Variants in ANO10 observed in about 807,000 individuals in gnomAD.
ANO10 encodes anoctamin-10.
ANO10 carries 77 observed loss-of-function variants against 74.7 expected under a neutral mutation model. The ratio of observed to expected loss-of-function variants is 1.03; its 90% CI spans 0.86 to 1.25. The LOEUF is 1.25. ANO10 is among the 50% of genes most tolerant of loss of function. The probability of loss-of-function intolerance (pLI) is 0.00; values close to 1 mark genes in which losing one functional copy is unlikely to be tolerated. For synonymous variants in ANO10, 279 were observed against 284.9 expected, an observed-to-expected ratio of 0.98 and a Z score of 0.21; for missense variants, 721 against 778.1, an observed-to-expected ratio of 0.93 and a Z score of 0.87.
intron 11 of ANO10, chr3:43,485,314 T>C (rs745460128): frequency 5.5e-5 from 30 of 549,334 alleles, no homozygotes; most frequent in Non-Finnish European, 9.6e-5. Context: ...CTTCCATACC[T>C]CCGGATCCGA....
intron 1 of ANO10, among the ~76,000 whole-genome samples, chr3:43,645,703 C>T (rs997724775): frequency 1.3e-5 from 2 of 152,152 alleles, no homozygotes; most frequent in South Asian, 2.1e-4. Flanking sequence ...CCCATTACTC[C>T]CAGTCAAGCC....
chr3:43,563,746 G>A lies in ANO10; in HGVS notation c.1293+1907C>T, dbSNP rs552641774. ...GTCATTATGTTAAGTGAAATAAGCC[G>A]GGCACAGAAAGACAAATATCACAGG... is the stretch of plus-strand genomic sequence containing the variant. On this transcript the variant is annotated intron_variant, in intron 8 of 12. Transcript: ENST00000292246. Among the ~76,000 whole-genome samples, 9 of 152,180 alleles carry A rather than the reference G, an allele frequency of 5.9e-5. No homozygotes were observed. In the South Asian group the frequency reaches 1.0e-3, roughly 18 times the overall value.
At position 43,659,223 on chromosome 3, in the gene ANO10, C is replaced by A. The variant is rs187771604; in HGVS notation, c.-12+32294G>T. Among the ~76,000 whole-genome samples, 98 of 152,256 alleles carry A rather than the reference C, an allele frequency of 6.4e-4. 2 individuals carry two copies. The highest frequency in any genetic ancestry group is 2.3e-3 in the African/African-American group (95 of 41,568). On this transcript the variant is annotated intron_variant, in intron 1 of 3. Transcript: ENST00000413397. Reference sequence around the variant, plus strand: ...GACTGGTTGGACAGTGGGTGCAGCCCATGGAGGGTGAGCCAAAGTAGGGTG... The same window carrying A: ...GACTGGTTGGACAGTGGGTGCAGCCAATGGAGGGTGAGCCAAAGTAGGGTG...
chr3:43,623,184 T>C (rs973259877), upstream of ANO10, among the ~76,000 whole-genome samples: 3 of 152,156 alleles, frequency 2.0e-5, no homozygotes, highest in South Asian at 4.1e-4. Context: ...GTGTTTTTAG[T>C]TACCCAGGGT....
intron 11 of ANO10, among the ~76,000 whole-genome samples, chr3:43,487,535 G>C (rs1468662455): frequency 4.6e-5 from 7 of 152,062 alleles, no homozygotes; most frequent in Non-Finnish European, 1.5e-5. Flanking sequence ...AGTCTTGGGA[G>C]AGTGTATGTG....
At chr3:43,466,388 C>CAAAA (rs1205923618) in intron 11 of ANO10, among the ~76,000 whole-genome samples, 216 of 86,912 alleles carry the variant, frequency 2.5e-3, no homozygotes, top group Admixed American at 4.2e-3. Context: ...AAAAAAAAAA[C>CAAAA]AAACAAAAAA....
intron 9 of ANO10, 131 bp downstream of exon 9, chr3:43,561,089 G>A: frequency 2.9e-6 from 3 of 1,052,098 alleles, no homozygotes; most frequent in Non-Finnish European, 4.4e-6. Context: ...GGTTCATGAT[G>A]AGGAAACTGA....
At chr3:43,452,280 C>T (rs1206770532) in intron 11 of ANO10, among the ~76,000 whole-genome samples, 3 of 152,200 alleles carry the variant, frequency 2.0e-5, no homozygotes, top group Non-Finnish European at 2.9e-5. Context: ...CACCACAATA[C>T]ATTTTAGGAC....
intron 7 of ANO10, among the ~76,000 whole-genome samples, chr3:43,566,139 A>G (rs1194390728): frequency 6.6e-6 from 1 of 152,204 alleles, no homozygotes; most frequent in Admixed American, 6.5e-5. Flanking sequence ...GGCTTAAAAA[A>G]TGGCGCACCA....
At chr3:43,514,947 A>G (rs1209582654) in intron 11 of ANO10, among the ~76,000 whole-genome samples, 2 of 152,244 alleles carry the variant, frequency 1.3e-5, no homozygotes, top group Non-Finnish European at 2.9e-5. Context: ...ACTTGCCAGA[A>G]TATGTGGGAT....
intron 11 of ANO10, among the ~76,000 whole-genome samples, chr3:43,545,321 A>G (rs984295833): frequency 5.9e-5 from 9 of 152,170 alleles, no homozygotes; most frequent in Non-Finnish European, 1.2e-4. Flanking sequence ...AAAAGAGAAA[A>G]ATCTTATAAA....
intron 1 of ANO10, among the ~76,000 whole-genome samples, chr3:43,648,524 T>C (rs1300608499): frequency 2.0e-5 from 3 of 152,164 alleles, no homozygotes; most frequent in Admixed American, 2.0e-4. Context: ...AGATTATTCA[T>C]GCCTCCCCTT....
intron 11 of ANO10, among the ~76,000 whole-genome samples, chr3:43,496,343 G>A (rs886529796): frequency 1.3e-5 from 2 of 152,158 alleles, no homozygotes; most frequent in Non-Finnish European, 2.9e-5. Context: ...CCCCATTGTA[G>A]CCATGACAAA....
intron 11 of ANO10, among the ~76,000 whole-genome samples, chr3:43,536,668 C>T (rs2078723465): frequency 6.6e-6 from 1 of 151,942 alleles, no homozygotes; most frequent in African/African-American, 2.4e-5. Flanking sequence ...CAGCAATATG[C>T]CTAAAAATTC....
intron 12 of ANO10, among the ~76,000 whole-genome samples, chr3:43,385,847 A>T (rs1205612219): frequency 1.3e-5 from 2 of 152,178 alleles, no homozygotes; most frequent in African/African-American, 4.8e-5. Flanking sequence ...CTAAAATCTC[A>T]GTAATTACCA....
At chr3:43,568,300 C>T (rs1188150627) in intron 7 of ANO10, among the ~76,000 whole-genome samples, 2 of 152,014 alleles carry the variant, frequency 1.3e-5, no homozygotes, top group African/African-American at 2.4e-5. Context: ...AACAAGGATA[C>T]CCAGGAATTG....
At chr3:43,567,750 C>A (rs1266549883) in intron 7 of ANO10, among the ~76,000 whole-genome samples, 3 of 151,912 alleles carry the variant, frequency 2.0e-5, no homozygotes, top group Non-Finnish European at 2.9e-5. Context: ...TAAAGACCAT[C>A]GAGACTAGGA....
rs1232980710 is a variant in ANO10, at chr3:43,374,018, T to C, written c.1915-7044A>G. On this transcript the variant is annotated intron_variant, in intron 12 of 12. Coordinates refer to ENST00000292246, the MANE Select transcript of ANO10 (RefSeq NM_018075.5). Reference sequence around the variant, plus strand: ...TACCCCAAATATACACGAAATCACCTAGTAACTAAACCAAGAGATCCTTCT... The same window carrying C: ...TACCCCAAATATACACGAAATCACCCAGTAACTAAACCAAGAGATCCTTCT... Among the ~76,000 whole-genome samples the C allele has an allele frequency of 2.0e-5, 3 of 152,200 alleles. No homozygotes were observed. In the East Asian group the frequency reaches 5.8e-4, roughly 29 times the overall value.
At chr3:43,379,779 T>C (rs944505614) in intron 12 of ANO10, among the ~76,000 whole-genome samples, 10 of 152,098 alleles carry the variant, frequency 6.6e-5, no homozygotes, top group African/African-American at 2.4e-4. Flanking sequence ...GGCAAGGTTG[T>C]TTAACACCCC....
Sources: gnomAD v4.1 joint callset for allele counts (sites outside exome capture counted in the v4.1 genomes callset) on GRCh38, gnomAD v4.1.1 for gene constraint, MANE v1.5 for transcripts, NCBI Gene and HGNC (gene_info 2026-07-23, HGNC 2026-07-21) for gene names.